FAT1: variants seen among roughly 807,000 people sequenced by gnomAD.
FAT1 encodes FAT atypical cadherin 1.
A neutral mutation model predicts 329.8 loss-of-function variants in FAT1; 171 were observed. The ratio of observed to expected loss-of-function variants is 0.52; its 90% CI spans 0.46 to 0.59. The LOEUF (loss-of-function observed/expected upper bound fraction) is 0.59. Ranked by LOEUF, FAT1 falls within the 20% of genes least tolerant of loss-of-function variation. FAT1 has a pLI of 0.00. For synonymous variants in FAT1, 2,233 were observed against 2,228.6 expected, an observed-to-expected ratio of 1.00 and a Z score of -0.06; for missense variants, 5,672 against 5,774.4, an observed-to-expected ratio of 0.98 and a Z score of 0.57.
At position 186,631,907 on chromosome 4, in the gene FAT1, C is replaced by T. The variant is rs1404930549; in HGVS notation, c.4323+1777G>A. On this transcript the variant is annotated intron_variant, in intron 7 of 26. Coordinates refer to ENST00000441802, the MANE Select transcript of FAT1 (RefSeq NM_005245.4). Reference sequence around the variant, plus strand: ...CCCCCCTCCCGCCCCCACCCAAATTCATATTTCCAGGTTCTCAGCTAAAGA... The same window carrying T: ...CCCCCCTCCCGCCCCCACCCAAATTTATATTTCCAGGTTCTCAGCTAAAGA... 5.4e-5 allele frequency among the ~76,000 whole-genome samples: 7 copies of T among 128,886 alleles called. No individual in the cohort carries two copies. The East Asian group carries it at 1.9e-3, about 35-fold the overall frequency. The allele number at this position is 128,886 out of a possible 152,430, so 84.6% of individuals were successfully genotyped here. A position where few individuals can be genotyped will look rare whatever the true frequency, so the allele number is the denominator to read the frequency against.
rs1318498729 is a variant in FAT1 at position 186,620,648 on chromosome 4, T to A, written c.5938A>T (p.Thr1980Ser). The A allele has an allele frequency of 6.2e-7, 1 of 1,614,040 alleles. No individual in the cohort carries two copies. The highest frequency in any genetic ancestry group is 8.5e-7 in the Non-Finnish European group (1 of 1,179,898). ...ACTACCGCAGAGTAGACATCCTGGG[T>A]AAACTTTAGGTGACTTTCTTTGCTT... ...KESKESHLKF[T>S]QDVYSAVVKE... The change falls in exon 10 of 27, where the codon ACC becomes TCC. Residue 1980 changes from threonine (T) to serine (S), a missense_variant. By Grantham distance (58) the Thr-to-Ser change is moderately conservative. Around this residue, in one of 2 missense-constraint regions of FAT1, gnomAD observed 3,966 missense variants for 3,915.2 expected, o/e 1.01. Coordinates refer to ENST00000441802, the MANE Select transcript of FAT1 (RefSeq NM_005245.4).
intron 20 of FAT1, among the ~76,000 whole-genome samples, chr4:186,602,238 A>G (rs1012116322): frequency 6.6e-6 from 1 of 152,238 alleles, no homozygotes; most frequent in Non-Finnish European, 1.5e-5. Context: ...ACCTTCATAC[A>G]TAACTGGGAG....
chr4:186,615,737 C>T lies in FAT1; in HGVS notation c.9075+1268G>A, dbSNP rs188550284. 6.6e-4 allele frequency among the ~76,000 whole-genome samples: 101 copies of T among 152,162 alleles called. 1 individual carries two copies. Among genetic ancestry groups the T allele is most frequent in the Non-Finnish European group, 1.3e-4 (9 of 68,028 alleles). ...TGTCCTCCTCTTCCTTCCAGCTCAG[C>T]TCCCTTCTCCCTTTGGAAATAGCTC... On this transcript the variant is annotated intron_variant, in intron 11 of 26. Coordinates refer to ENST00000441802, the MANE Select transcript of FAT1 (RefSeq NM_005245.4).
intron 2 of FAT1, among the ~76,000 whole-genome samples, chr4:186,694,457 G>A (rs1397802835): frequency 6.6e-6 from 1 of 152,194 alleles, no homozygotes; most frequent in Non-Finnish European, 1.5e-5. Context: ...GTAGCAAGAA[G>A]AGTTGACAAA....
rs776540378 is a variant in FAT1 at position 186,636,780 on chromosome 4, C to T, written c.3777G>A (p.Lys1259=). 3.1e-6 allele frequency: 5 copies of T among 1,613,950 alleles called. No individual in the cohort carries two copies. Residue 1259 remains lysine (K), a synonymous_variant, in exon 5 of 27, where the codon AAG becomes AAA. Coordinates refer to ENST00000441802, the MANE Select transcript of FAT1 (RefSeq NM_005245.4). ...FYKIRLPERE[K]PDRERNARRE... ...GTCTGGCATTTCTTTCTCGGTCTGG[C>T]TTTTCCCGCTCAGGGAGTCTGATTT...
At chr4:186,635,970 C>A (rs2126560652) in intron 6 of FAT1, 55 bp downstream of exon 6, 2 of 1,471,792 alleles carry the variant, frequency 1.4e-6, no homozygotes, top group Non-Finnish European at 1.9e-6. Context: ...AAACCGTATG[C>A]AGGTTCTCCT....
At chr4:186,649,037 G>A (rs1198367542) in intron 3 of FAT1, among the ~76,000 whole-genome samples, 1 of 152,050 alleles carries the variant, frequency 6.6e-6, no homozygotes, top group Non-Finnish European at 1.5e-5. Flanking sequence ...TAGGACTATG[G>A]ACATATAAGA....
At chr4:186,642,983 CT>C (rs1329092928) in intron 3 of FAT1, among the ~76,000 whole-genome samples, 2 of 152,210 alleles carry the variant, frequency 1.3e-5, no homozygotes, top group Non-Finnish European at 2.9e-5. Flanking sequence ...AGAAGTATTA[CT>C]TTTACGAAGA....
rs1646347367 is a variant in FAT1 at position 186,614,478 on chromosome 4, G to A, written c.9076-134C>T. On this transcript the variant is annotated intron_variant, in intron 11 of 26. Transcript: ENST00000441802. ...GAAATGACTAAAGATAAAATCCCAA[G>A]AGCTTTGAAAACGATTTTTCTCATA... is the stretch of plus-strand genomic sequence containing the variant. 10 of 635,206 alleles carry A rather than the reference G, an allele frequency of 1.6e-5. No homozygotes were observed. In the South Asian group the frequency reaches 3.9e-4, roughly 25 times the overall value. 39.3% of individuals were successfully genotyped at this position (635,206 alleles called of 1,614,324 possible). A position where few individuals can be genotyped will look rare whatever the true frequency, so the allele number is the denominator to read the frequency against.
At chr4:186,606,395 C>T (rs1469142878) in intron 16 of FAT1, among the ~76,000 whole-genome samples, 182 bp from the exon 17 acceptor site, 1 of 152,016 alleles carries the variant, frequency 6.6e-6, no homozygotes, top group East Asian at 1.9e-4. Context: ...ATACACATTT[C>T]CCAACAGCAA....
chr4:186,610,581 A>AATATAAATTATATAAATATAAATTT (rs1248940976), intron 14 of FAT1, among the ~76,000 whole-genome samples: 5 of 145,418 alleles, frequency 3.4e-5, no homozygotes, highest in South Asian at 2.1e-4. Flanking sequence ...TTTTATTATA[A>AATATAAATTATATAAATATAAATTT]ATATAAATTA....
At chr4:186,639,933 G>C in intron 3 of FAT1, 150 bp from the exon 4 acceptor site, 1 of 611,728 alleles carries the variant, frequency 1.6e-6, no homozygotes, top group Non-Finnish European at 2.8e-6. Context: ...CTTAAGGTCA[G>C]GAGTTGGAGG....
chr4:186,640,202 G>C (rs1329801138), intron 3 of FAT1, among the ~76,000 whole-genome samples: 1 of 152,090 alleles, frequency 6.6e-6, no homozygotes, highest in Non-Finnish European at 1.5e-5. Context: ...AAAGAAGAAA[G>C]AAATTTCTTA....
intron 10 of FAT1, 24 bp downstream of exon 10, chr4:186,617,684 C>T (rs772970884): frequency 1.3e-6 from 2 of 1,507,042 alleles, no homozygotes; most frequent in South Asian, 1.3e-5. Flanking sequence ...ATTAATTAAA[C>T]CGTTTGGTAT....
Position 186,618,343 on chromosome 4 carries a change from T to C in FAT1, c.8243A>G (p.Asp2748Gly). The change falls in exon 10 of 27, where the codon GAT becomes GGT. Residue 2748 changes from aspartate (D) to glycine (G), a missense_variant. Physicochemically the swap from Asp to Gly is moderately conservative, Grantham distance 94. Coordinates refer to ENST00000441802, the MANE Select transcript of FAT1 (RefSeq NM_005245.4). ...CTGTCTGTCAATCACAAAGGACTCA[T>C]CCCTATTGCTTTCTGGAGTATTCCC... is the stretch of plus-strand genomic sequence containing the variant. ...VKGNTPESNRDESFVIDRQSG... is the reference protein window; with the variant it reads ...VKGNTPESNRGESFVIDRQSG... 6.2e-7 allele frequency: 1 copy of C among 1,614,036 alleles called. No homozygotes were observed. Among genetic ancestry groups the C allele is most frequent in the Middle Eastern group, 1.6e-4 (1 of 6,062 alleles).
chr4:186,690,128 T>C (rs1743685196), intron 2 of FAT1, among the ~76,000 whole-genome samples: 1 of 152,196 alleles, frequency 6.6e-6, no homozygotes, highest in East Asian at 1.9e-4. Context: ...CAAAGCTGTA[T>C]TTCTCTAAAA....
chr4:186,669,512 C>G (rs569877171), intron 2 of FAT1, among the ~76,000 whole-genome samples: 2 of 152,236 alleles, frequency 1.3e-5, no homozygotes, highest in East Asian at 3.9e-4. Flanking sequence ...TTTCCAACCT[C>G]GAGAATACAG....
At chr4:186,601,631 C>G (rs949017980) in intron 20 of FAT1, 1 of 431,898 alleles carries the variant, frequency 2.3e-6, no homozygotes, top group Non-Finnish European at 4.1e-6. Context: ...ATAAATTTGA[C>G]GACTGCATCA....
intron 2 of FAT1, among the ~76,000 whole-genome samples, chr4:186,686,364 A>C (rs1743470090): frequency 6.6e-6 from 1 of 152,078 alleles, no homozygotes; most frequent in African/African-American, 2.4e-5. Flanking sequence ...GAATTATGTA[A>C]GTATGCAACA....
Sources: gnomAD v4.1 joint callset for allele counts (sites outside exome capture counted in the v4.1 genomes callset) on GRCh38, gnomAD v4.1.1 for gene constraint, gnomAD v4.1.1 regional missense constraint, MANE v1.5 for transcripts, NCBI Gene and HGNC (gene_info 2026-07-23, HGNC 2026-07-21) for gene names.